Variants in LRRC49 observed in about 807,000 individuals in gnomAD.
LRRC49 encodes the protein leucine-rich repeat-containing protein 49.
Under a neutral mutation model 83.3 loss-of-function variants are expected in LRRC49, and 50 were observed. The ratio of observed to expected loss-of-function variants is 0.60; its 90% CI spans 0.48 to 0.76. The LOEUF is 0.76. Among genes scored for constraint, LRRC49 ranks in the 30% least tolerant of loss-of-function variants. The probability of loss-of-function intolerance (pLI) is 0.00; values close to 1 mark genes in which losing one functional copy is unlikely to be tolerated. For synonymous variants in LRRC49, 286 were observed against 283.3 expected, an observed-to-expected ratio of 1.01 and a Z score of -0.10; for missense variants, 704 against 809.1, an observed-to-expected ratio of 0.87 and a Z score of 1.58.
At chr15:70,960,281 G>T (rs1299110859) in intron 8 of LRRC49, among the ~76,000 whole-genome samples, 1 of 152,172 alleles carries the variant, frequency 6.6e-6, no homozygotes, top group Non-Finnish European at 1.5e-5. Context: ...TTTGGTCTTT[G>T]GAGAAGTGTC....
chr15:71,014,279 T>G (rs1226734297), intron 14 of LRRC49, among the ~76,000 whole-genome samples: 1 of 152,120 alleles, frequency 6.6e-6, no homozygotes, highest in African/African-American at 2.4e-5. Flanking sequence ...TAAGAGAATG[T>G]AAGTTAAAGT....
intron 7 of LRRC49, among the ~76,000 whole-genome samples, chr15:70,928,137 T>C (rs1385180194): frequency 6.6e-6 from 1 of 152,212 alleles, no homozygotes; most frequent in East Asian, 1.9e-4. Flanking sequence ...GGACCCTCTA[T>C]TCTGTTCCAT....
At chr15:70,926,465 T>C (rs1253324312) in intron 7 of LRRC49, among the ~76,000 whole-genome samples, 1 of 152,180 alleles carries the variant, frequency 6.6e-6, no homozygotes, top group Non-Finnish European at 1.5e-5. Flanking sequence ...TACTGAGCCA[T>C]AGGGTAGGTG....
intron 8 of LRRC49, among the ~76,000 whole-genome samples, chr15:70,952,868 GC>G (rs1292084180): frequency 1.3e-5 from 2 of 152,034 alleles, no homozygotes; most frequent in Admixed American, 1.3e-4. Context: ...GTTGGATTGA[GC>G]CCTTTATCAT....
intron 11 of LRRC49, among the ~76,000 whole-genome samples, chr15:70,992,628 T>G (rs565550101): frequency 1.3e-5 from 2 of 152,346 alleles, no homozygotes; most frequent in Admixed American, 1.3e-4. Context: ...CAGCAAATAT[T>G]GCTGAACAGC....
At chr15:71,004,819 C>T (rs72757994) in intron 11 of LRRC49, among the ~76,000 whole-genome samples, 1 of 152,192 alleles carries the variant, frequency 6.6e-6, no homozygotes, top group Non-Finnish European at 1.5e-5. Flanking sequence ...ACCGCATGCT[C>T]TTATTTATAA....
upstream of LRRC49, chr15:70,892,193 C>A (rs778832134): frequency 6.2e-7 from 1 of 1,608,190 alleles, no homozygotes; most frequent in Middle Eastern, 1.7e-4. Flanking sequence ...CCGCACGGCC[C>A]GGTCCTTGGG....
At chr15:70,971,732 T>C (rs746897551) in intron 9 of LRRC49, among the ~76,000 whole-genome samples, 19 of 152,258 alleles carry the variant, frequency 1.2e-4, no homozygotes, top group South Asian at 2.1e-4. Flanking sequence ...AATGCCCTTC[T>C]TTGTCTTTTT....
At chr15:70,882,903 C>G (rs150853216) in intron 2 of LRRC49, 11 of 1,613,538 alleles carry the variant, frequency 6.8e-6, no homozygotes, top group Non-Finnish European at 9.3e-6. Context: ...CATTTTCACA[C>G]GTAATCTAAA....
intron 5 of LRRC49, chr15:70,907,621 C>T (rs1422043636): frequency 5.9e-6 from 1 of 168,580 alleles, no homozygotes; most frequent in African/African-American, 2.4e-5. Context: ...CCTTTTGACT[C>T]CTTGAAGTTT....
At chr15:70,883,448 C>T (rs1032561965) in intron 2 of LRRC49, among the ~76,000 whole-genome samples, 3 of 152,146 alleles carry the variant, frequency 2.0e-5, no homozygotes, top group Non-Finnish European at 4.4e-5. Flanking sequence ...CCCGCCTCAG[C>T]CTCCCAAAGT....
intron 8 of LRRC49, among the ~76,000 whole-genome samples, chr15:70,954,282 A>T (rs966950616): frequency 6.6e-6 from 1 of 152,298 alleles, no homozygotes. Context: ...TTTCATTTCC[A>T]GAAGTTCAGT....
At chr15:70,950,562 T>G (rs1004134575) in intron 8 of LRRC49, among the ~76,000 whole-genome samples, 1 of 152,234 alleles carries the variant, frequency 6.6e-6, no homozygotes, top group African/African-American at 2.4e-5. Context: ...GTATGTCTTC[T>G]TTTAAGAAAT....
At chr15:70,892,324 G>C (rs1446389635), upstream of LRRC49, 2 of 1,549,710 alleles carry the variant, frequency 1.3e-6, no homozygotes, top group East Asian at 4.9e-5. Flanking sequence ...TTCGCCCTTG[G>C]GCACGCTCCT....
intron 11 of LRRC49, among the ~76,000 whole-genome samples, chr15:70,990,652 C>T (rs1001357478): frequency 6.6e-6 from 1 of 152,202 alleles, no homozygotes; most frequent in Non-Finnish European, 1.5e-5. Context: ...TGTCCTGCGC[C>T]CACTGTCTGG....
chr15:71,002,173 C>T (rs1472532858), intron 11 of LRRC49, among the ~76,000 whole-genome samples: 1 of 152,052 alleles, frequency 6.6e-6, no homozygotes, highest in African/African-American at 2.4e-5. Context: ...AAGTTTCTTA[C>T]CTAGTGTTTC....
At chr15:71,032,987 A>C (rs2039405289) in intron 14 of LRRC49, among the ~76,000 whole-genome samples, 1 of 152,226 alleles carries the variant, frequency 6.6e-6, no homozygotes. Context: ...CTCCTATTCA[A>C]CATAGTATTG....
chr15:70,892,096 G>C (rs748121604), upstream of LRRC49: 2 of 1,614,020 alleles, frequency 1.2e-6, no homozygotes, highest in South Asian at 1.1e-5. Flanking sequence ...AACAGGCTGG[G>C]GCAAAGTGGT....
At chr15:70,945,613 TTTTA>T (rs1022416179) in intron 8 of LRRC49, among the ~76,000 whole-genome samples, 1 of 151,720 alleles carries the variant, frequency 6.6e-6, no homozygotes, top group African/African-American at 2.4e-5. Flanking sequence ...TTTGTTTCCT[TTTTA>T]TTTGTTTTTA....
Sources: allele counts gnomAD v4.1 joint callset (sites outside exome capture counted in the v4.1 genomes callset), GRCh38; gene constraint gnomAD v4.1.1; transcripts MANE v1.5; gene names NCBI Gene and HGNC (gene_info 2026-07-23, HGNC 2026-07-21).